FHIT: variants seen among roughly 807,000 people sequenced by gnomAD.
FHIT encodes fragile histidine triad diadenosine triphosphatase.
A neutral mutation model predicts 17.9 loss-of-function variants in FHIT; 19 were observed. That is an observed-to-expected ratio of 1.06 (90% CI 0.74 to 1.56). The LOEUF (loss-of-function observed/expected upper bound fraction) is 1.56. FHIT is among the 40% of genes most tolerant of loss of function. The pLI, the probability that FHIT is intolerant of heterozygous loss-of-function variation, is 0.00. For synonymous variants in FHIT, 81 were observed against 69.7 expected (o/e 1.16, Z -0.81); for missense variants, 248 against 189.2 (o/e 1.31, Z -1.82).
intron 5 of FHIT, among the ~76,000 whole-genome samples, chr3:60,040,771 A>G (rs1701406239): frequency 6.6e-6 from 1 of 152,158 alleles, no homozygotes; most frequent in African/African-American, 2.4e-5. Flanking sequence ...GAGTGACTCC[A>G]GGGCACCAAC....
intron 5 of FHIT, among the ~76,000 whole-genome samples, chr3:60,210,233 G>C (rs1167744458): frequency 1.3e-5 from 2 of 152,072 alleles, no homozygotes; most frequent in African/African-American, 4.8e-5. Context: ...GAACTGTTGG[G>C]ATAAGTGGAT....
chr3:60,856,580 G>A (rs549727894), intron 3 of FHIT: 1 of 152,174 alleles, frequency 6.6e-6, no homozygotes, highest in African/African-American at 2.4e-5. Context: ...ATGAACCACA[G>A]AAATGACCCC....
At chr3:60,014,750 T>C (rs932977153) in intron 5 of FHIT, among the ~76,000 whole-genome samples, 1 of 151,916 alleles carries the variant, frequency 6.6e-6, no homozygotes, top group Non-Finnish European at 1.5e-5. Context: ...ATGACAAGAG[T>C]TCCTCAGACT....
At chr3:60,022,906 A>G (rs1341738738) in intron 5 of FHIT, among the ~76,000 whole-genome samples, 2 of 152,230 alleles carry the variant, frequency 1.3e-5, no homozygotes, top group Non-Finnish European at 2.9e-5. Flanking sequence ...AACCGTTATG[A>G]AAATCTATTA....
At chr3:60,381,147 C>T (rs1306273398) in intron 5 of FHIT, among the ~76,000 whole-genome samples, 1 of 152,100 alleles carries the variant, frequency 6.6e-6, no homozygotes, top group Admixed American at 6.5e-5. Context: ...AGATGCCTCC[C>T]CAATTTAGCA....
At chr3:60,161,197 A>T (rs915234884) in intron 5 of FHIT, among the ~76,000 whole-genome samples, 7 of 152,186 alleles carry the variant, frequency 4.6e-5, no homozygotes, top group African/African-American at 1.7e-4. Context: ...TCAGGCTATT[A>T]AAAGGTGGCA....
At chr3:61,022,670 G>A (rs1258087060) in intron 3 of FHIT, among the ~76,000 whole-genome samples, 1 of 152,096 alleles carries the variant, frequency 6.6e-6, no homozygotes, top group African/African-American at 2.4e-5. Context: ...TTAATCCCTG[G>A]GATGCAAGGA....
chr3:59,786,278 T>C (rs948791801), intron 8 of FHIT, among the ~76,000 whole-genome samples: 2 of 152,128 alleles, frequency 1.3e-5, no homozygotes, highest in African/African-American at 4.8e-5. Flanking sequence ...CCCTCACCAC[T>C]TAAAGTGTCA....
intron 2 of FHIT, among the ~76,000 whole-genome samples, chr3:61,150,552 T>C (rs1027104864): frequency 3.3e-5 from 5 of 152,202 alleles, no homozygotes; most frequent in Non-Finnish European, 7.3e-5. Context: ...AAAATGATCC[T>C]GTATCCCTCA....
intron 4 of FHIT, among the ~76,000 whole-genome samples, chr3:60,634,288 CAACA>C (rs1309248321): frequency 7.0e-6 from 1 of 143,412 alleles, no homozygotes; most frequent in Non-Finnish European, 1.6e-5. Context: ...CACTCTAAAA[CAACA>C]AAAAAAAAAT....
intron 3 of FHIT, among the ~76,000 whole-genome samples, chr3:60,924,488 G>A (rs572917043): frequency 1.2e-3 from 190 of 152,188 alleles, no homozygotes; most frequent in Non-Finnish European, 2.5e-3. Flanking sequence ...CAGACCTGCA[G>A]CTGAGAGTCC....
chr3:60,194,701 T>C (rs955118423), intron 5 of FHIT, among the ~76,000 whole-genome samples: 1 of 152,026 alleles, frequency 6.6e-6, no homozygotes, highest in Non-Finnish European at 1.5e-5. Context: ...AGGACTAATA[T>C]CCAGAATCTG....
intron 8 of FHIT, among the ~76,000 whole-genome samples, chr3:59,912,489 T>C (rs1200413845): frequency 6.6e-6 from 1 of 152,198 alleles, no homozygotes; most frequent in Non-Finnish European, 1.5e-5. Context: ...TGCAATGTCC[T>C]TTCAATAACT....
chr3:60,855,277 G>C (rs929179965), intron 3 of FHIT, among the ~76,000 whole-genome samples: 3 of 152,100 alleles, frequency 2.0e-5, no homozygotes, highest in Admixed American at 6.6e-5. Flanking sequence ...TCAGTAGTAG[G>C]CATGTGACCT....
intron 5 of FHIT, among the ~76,000 whole-genome samples, chr3:60,053,438 A>C (rs550095380): frequency 3.3e-5 from 5 of 150,428 alleles, no homozygotes; most frequent in African/African-American, 1.2e-4. Flanking sequence ...TGGAAATCTT[A>C]AGTTAGTATT....
rs926954398 is a variant in FHIT, at chr3:60,806,852, C to T, written c.-18+15067G>A. 2.0e-5 allele frequency among the ~76,000 whole-genome samples: 3 copies of T among 152,174 alleles called. 1 individual carries two copies. Among genetic ancestry groups the T allele is most frequent in the Middle Eastern group, 6.3e-3 (2 of 316 alleles). On this transcript the variant is annotated intron_variant, in intron 4 of 9. Transcript: ENST00000492590. ...GATTAAGCATCAGAAGCAATGCAATCGCAAAGGTATCTCGTACCATCAAGG... is the reference window on the plus strand; with the variant it reads ...GATTAAGCATCAGAAGCAATGCAATTGCAAAGGTATCTCGTACCATCAAGG...
In FHIT at chr3:60,401,856, T is replaced by C. The variant is rs9828649; in HGVS notation, c.103+135004A>G. Among the ~76,000 whole-genome samples the C allele has an allele frequency of 1.9e-4, 29 of 152,306 alleles. No individual in the cohort carries two copies. The South Asian group carries it at 6.0e-3, about 32-fold the overall frequency. ...ATTTGGACAAGCATAATCTTGCAGA[T>C]TGGTCCTTACAAGCCCTACTTGCCT... is the stretch of plus-strand genomic sequence containing the variant. On this transcript the variant is annotated intron_variant, in intron 5 of 9. Coordinates refer to ENST00000492590, the MANE Select transcript of FHIT (RefSeq NM_002012.4).
rs978556734 is a variant in FHIT at position 60,320,380 on chromosome 3, C to T, written c.103+216480G>A. ...ACAACCTGAAAATCAGGCTTAAGTG[C>T]CAGAAGTAAACCAAAAAGAAGCAAT... On this transcript the variant is annotated intron_variant, in intron 5 of 9. Coordinates refer to ENST00000492590, the MANE Select transcript of FHIT (RefSeq NM_002012.4). 2.6e-5 allele frequency among the ~76,000 whole-genome samples: 4 copies of T among 151,956 alleles called. No homozygotes were observed. The East Asian group carries it at 7.7e-4, about 29-fold the overall frequency.
chr3:60,433,434 A>T (rs1017695866), intron 5 of FHIT, among the ~76,000 whole-genome samples: 7 of 152,136 alleles, frequency 4.6e-5, no homozygotes, highest in Non-Finnish European at 7.4e-5. Flanking sequence ...AAATACTCAG[A>T]AGTGGTATTG....
Sources: gnomAD v4.1 joint callset for allele counts (sites outside exome capture counted in the v4.1 genomes callset) on GRCh38, gnomAD v4.1.1 for gene constraint, MANE v1.5 for transcripts, NCBI Gene and HGNC (gene_info 2026-07-23, HGNC 2026-07-21) for gene names.